SSX2IP: variants seen among roughly 807,000 people sequenced by gnomAD.
SSX2IP encodes SSX family member 2 interacting protein.
SSX2IP carries 55 observed loss-of-function variants against 84.9 expected under a neutral mutation model. The observed-to-expected ratio is 0.65, with a 90% CI of 0.52 to 0.81. SSX2IP has a LOEUF of 0.81. SSX2IP is among the 30% of genes least tolerant of loss of function. The pLI is 0.00. For synonymous variants in SSX2IP, 239 were observed against 234.7 expected, an observed-to-expected ratio of 1.02 and a Z score of -0.17; for missense variants, 664 against 705.2, an observed-to-expected ratio of 0.94 and a Z score of 0.66.
At chr1:84,679,894 T>G (rs761534038) in intron 1 of SSX2IP, among the ~76,000 whole-genome samples, 1 of 152,326 alleles carries the variant, frequency 6.6e-6, no homozygotes, top group East Asian at 1.9e-4. Flanking sequence ...AGCTAGCAAG[T>G]GGCAGAGGCA....
intron 1 of SSX2IP, among the ~76,000 whole-genome samples, chr1:84,673,033 A>G (rs1277814587): frequency 6.6e-6 from 1 of 152,192 alleles, no homozygotes; most frequent in Non-Finnish European, 1.5e-5. Context: ...AAGAAAAAAG[A>G]AATTTATATT....
At chr1:84,650,047 G>A in intron 13 of SSX2IP, 2 of 640,738 alleles carry the variant, frequency 3.1e-6, no homozygotes, top group East Asian at 2.9e-5. Context: ...TACAATTAAA[G>A]TGCTTAAAAT....
rs183331670 is a variant in SSX2IP at position 84,647,896 on chromosome 1, G to A, written c.1671-289C>T. 3.9e-3 allele frequency among the ~76,000 whole-genome samples: 590 copies of A among 151,944 alleles called. 1 individual carries two copies. Among genetic ancestry groups the A allele is most frequent in the Non-Finnish European group, 6.6e-3 (449 of 67,934 alleles). ...CCCTGTCTCTACAAAAAATTAGCTGGGAGTAGTAGTGCATGCCTAGTTTAA... is the reference window on the plus strand; with the variant it reads ...CCCTGTCTCTACAAAAAATTAGCTGAGAGTAGTAGTGCATGCCTAGTTTAA... On this transcript the variant is annotated intron_variant, in intron 13 of 13. Coordinates refer to ENST00000342203, the MANE Select transcript of SSX2IP (RefSeq NM_001166293.2).
chr1:84,674,630 TG>T (rs1654058263), intron 1 of SSX2IP, among the ~76,000 whole-genome samples: 1 of 152,214 alleles, frequency 6.6e-6, no homozygotes, highest in African/African-American at 2.4e-5. Context: ...TCTTTAAAAC[TG>T]TAAGTCAGTT....
Position 84,645,337 on chromosome 1 carries a change from T to C in SSX2IP, c.*2096A>G, listed in dbSNP as rs377225081. 6.6e-6 allele frequency: 1 copy of C among 152,294 alleles called. No individual in the cohort carries two copies. Among genetic ancestry groups the C allele is most frequent in the African/African-American group, 2.4e-5 (1 of 41,560 alleles). The allele number at this position is 152,294 out of a possible 1,614,324, so 9.4% of individuals were successfully genotyped here. A position where few individuals can be genotyped will look rare whatever the true frequency, so the allele number is the denominator to read the frequency against. ...GTTGGAATGTTCAACAAAAGTGATG[T>C]TGTTAGGTAAAATGTACAACTTCTG... On this transcript the variant is annotated 3_prime_UTR_variant, in exon 14 of 14. Coordinates refer to ENST00000342203, the MANE Select transcript of SSX2IP (RefSeq NM_001166293.2).
At chr1:84,674,288 C>A (rs981414267) in intron 1 of SSX2IP, among the ~76,000 whole-genome samples, 2 of 151,884 alleles carry the variant, frequency 1.3e-5, no homozygotes, top group African/African-American at 2.4e-5. Context: ...TAATATTAAT[C>A]ATCATCATCA....
intron 4 of SSX2IP, among the ~76,000 whole-genome samples, chr1:84,668,914 A>C (rs1653123794): frequency 6.6e-6 from 1 of 152,116 alleles, no homozygotes; most frequent in South Asian, 2.1e-4. Context: ...ACAAATAACA[A>C]AACCCAATAT....
In SSX2IP at chr1:84,656,499, G is replaced by GT. The variant is rs780707067; in HGVS notation, c.1079-16dup. The GT allele has an allele frequency of 2.0e-5, 32 of 1,608,092 alleles. No individual in the cohort carries two copies. The Admixed American group carries it at 5.4e-4, about 27-fold the overall frequency. On this transcript the variant is annotated splice_polypyrimidine_tract_variant and intron_variant, in intron 9 of 13. Coordinates refer to ENST00000342203, the MANE Select transcript of SSX2IP (RefSeq NM_001166293.2). ...TACCTTTGAAACTAAGACAAAATCA[G>GT]TAAGTTGACATAGGTCTTATAGCCA...
rs1448936880 is a variant in SSX2IP at position 84,643,844 on chromosome 1, C to T, written c.*3589G>A. The T allele has an allele frequency of 6.6e-6, 1 of 152,136 alleles. No individual in the cohort carries two copies. Among genetic ancestry groups the T allele is most frequent in the Non-Finnish European group, 1.5e-5 (1 of 68,024 alleles). The allele number at this position is 152,136 out of a possible 1,614,324, so 9.4% of individuals were successfully genotyped here. ...GGAGCTTCATATGTCACTGACATTA[C>T]AGTACTTCCTGAGCTCTCAGGAATC... On this transcript the variant is annotated 3_prime_UTR_variant, in exon 14 of 14. Transcript: ENST00000342203.
At chr1:84,649,005 A>G (rs1374394981) in intron 13 of SSX2IP, among the ~76,000 whole-genome samples, 2 of 152,206 alleles carry the variant, frequency 1.3e-5, no homozygotes, top group Non-Finnish European at 2.9e-5. Context: ...ATAAAACAGT[A>G]ATCTTTTTAA....
intron 1 of SSX2IP, among the ~76,000 whole-genome samples, chr1:84,680,549 T>C (rs1424355252): frequency 1.3e-5 from 2 of 152,188 alleles, no homozygotes; most frequent in African/African-American, 4.8e-5. Flanking sequence ...AAATGCTAGC[T>C]ATTATTAGCT....
In SSX2IP at chr1:84,662,372, A is replaced by G. The variant is rs759623175; in HGVS notation, c.753T>C (p.Asn251=). 2.5e-6 allele frequency: 4 copies of G among 1,606,516 alleles called. No homozygotes were observed. The highest frequency in any genetic ancestry group is 4.5e-5 in the East Asian group (2 of 44,812). Residue 251 remains asparagine, a synonymous_variant, in exon 8 of 14, where the codon AAT becomes AAC. Coordinates refer to ENST00000342203, the MANE Select transcript of SSX2IP (RefSeq NM_001166293.2). ...AGAGAATTTTATACATTTCATCTTCATTCCTGAGAAAGAAACTGTCAGTAT... is the reference window on the plus strand; with the variant it reads ...AGAGAATTTTATACATTTCATCTTCGTTCCTGAGAAAGAAACTGTCAGTAT... ...SWRTGKTEAR[N]EDEMYKILLN...
rs1649481378 is a variant in SSX2IP, at chr1:84,646,534, T to C, written c.*899A>G. The C allele has an allele frequency of 6.6e-6, 1 of 152,650 alleles. No homozygotes were observed. The highest frequency in any genetic ancestry group is 1.5e-5 in the Non-Finnish European group (1 of 68,028). 9.5% of individuals were successfully genotyped at this position (152,650 alleles called of 1,614,324 possible). A position where few individuals can be genotyped will look rare whatever the true frequency, so the allele number is the denominator to read the frequency against. On this transcript the variant is annotated 3_prime_UTR_variant, in exon 14 of 14. Coordinates refer to ENST00000342203, the MANE Select transcript of SSX2IP (RefSeq NM_001166293.2). Reference sequence around the variant, plus strand: ...ATCTTGTAAGGAAAATATCACCATCTAGATATCTTAAATATCTTCTATCAT... The same window carrying C: ...ATCTTGTAAGGAAAATATCACCATCCAGATATCTTAAATATCTTCTATCAT...
intron 13 of SSX2IP, chr1:84,649,693 C>T (rs776942113): frequency 3.5e-6 from 1 of 286,746 alleles, no homozygotes; most frequent in Non-Finnish European, 6.8e-6. Flanking sequence ...TTCTATTCCT[C>T]TCTGTCTTAC....
At chr1:84,671,380 G>T in intron 1 of SSX2IP, 72 bp from the exon 2 acceptor site, 1 of 1,300,328 alleles carries the variant, frequency 7.7e-7, no homozygotes, top group Non-Finnish European at 1.0e-6. Context: ...CAATGCTTAA[G>T]AATTAGTTGT....
intron 1 of SSX2IP, among the ~76,000 whole-genome samples, chr1:84,688,171 C>G (rs1341801872): frequency 6.6e-6 from 1 of 152,180 alleles, no homozygotes; most frequent in Non-Finnish European, 1.5e-5. Flanking sequence ...GGCCCACAAT[C>G]AAAAGGCACA....
Position 84,652,157 on chromosome 1 carries a change from C to T in SSX2IP, c.1390-160G>A, listed in dbSNP as rs572785513. On this transcript the variant is annotated intron_variant, in intron 11 of 13. Coordinates refer to ENST00000342203, the MANE Select transcript of SSX2IP (RefSeq NM_001166293.2). ...TAAAAAACTAAAAATAATTTCAGCA[C>T]TCGTCTGTAATCCCAGTATTTTGGG... The T allele has an allele frequency of 3.4e-5, 20 of 579,954 alleles. 1 individual carries two copies. The Admixed American group carries it at 4.7e-4, about 13-fold the overall frequency. 35.9% of individuals were successfully genotyped at this position (579,954 alleles called of 1,614,324 possible).
rs1050037150 is a variant in SSX2IP at position 84,655,862 on chromosome 1, A to G, written c.1359T>C (p.Phe453=). 6.2e-7 allele frequency: 1 copy of G among 1,613,784 alleles called. No individual in the cohort carries two copies. Among genetic ancestry groups the G allele is most frequent in the African/African-American group, 1.3e-5 (1 of 74,920 alleles). ...KKNFERERRS[F]TEAAIRLGLE... ...ATCCCAGGCGAATAGCGGCTTCTGT[A>G]AAGCTTCGTCTCTCCCTCTCAAAAT... Residue 453 remains phenylalanine, a synonymous_variant, in exon 11 of 14, where the codon TTT becomes TTC. Coordinates refer to ENST00000342203, the MANE Select transcript of SSX2IP (RefSeq NM_001166293.2).
chr1:84,651,834 AATTTT>A (rs1557466298), intron 12 of SSX2IP, 44 bp downstream of exon 12: 1 of 1,140,770 alleles, frequency 8.8e-7, no homozygotes, highest in Non-Finnish European at 1.3e-6. Flanking sequence ...ATATGTAAAT[AATTTT>A]ATTTATATGC....
Sources: allele counts gnomAD v4.1 joint callset (sites outside exome capture counted in the v4.1 genomes callset), GRCh38; gene constraint gnomAD v4.1.1; transcripts MANE v1.5; gene names NCBI Gene and HGNC (gene_info 2026-07-23, HGNC 2026-07-21).